Variants in PCMT1 observed in about 807,000 individuals in gnomAD.
PCMT1 encodes the protein protein-L-isoaspartate (D-aspartate) O-methyltransferase.
PCMT1 carries 9 observed loss-of-function variants against 29.2 expected under a neutral mutation model. The ratio of observed to expected loss-of-function variants is 0.31; its 90% CI spans 0.19 to 0.54. The LOEUF (loss-of-function observed/expected upper bound fraction) is 0.54. PCMT1 is among the 20% of genes least tolerant of loss of function. The probability of loss-of-function intolerance (pLI) is 0.95; values close to 1 mark genes in which losing one functional copy is unlikely to be tolerated. For missense variants in PCMT1, 184 were observed against 282.2 expected, an observed-to-expected ratio of 0.65 and a Z score of 2.49; for synonymous variants, 98 against 97.5, an observed-to-expected ratio of 1.00 and a Z score of -0.03.
At chr6:149,762,762 C>A (rs1364605193) in intron 1 of PCMT1, among the ~76,000 whole-genome samples, 1 of 41,166 alleles carries the variant, frequency 2.4e-5, no homozygotes, top group Non-Finnish European at 3.3e-5. Flanking sequence ...ATATATATAC[C>A]TATGATATAT....
intron 3 of PCMT1, among the ~76,000 whole-genome samples, chr6:149,786,884 G>A (rs1268562725): frequency 1.4e-5 from 2 of 147,292 alleles, no homozygotes; most frequent in Non-Finnish European, 3.0e-5. Flanking sequence ...GGTGGCGGCC[G>A]GGCAGAGGCT....
rs1412267953 is a variant in PCMT1, at chr6:149,789,825, T to C, written c.193-129T>C. 1.8e-5 allele frequency: 9 copies of C among 502,234 alleles called. No homozygotes were observed. The Admixed American group carries it at 2.9e-4, about 16-fold the overall frequency. The allele number at this position is 502,234 out of a possible 1,614,324, so 31.1% of individuals were successfully genotyped here. Reference sequence around the variant, plus strand: ...TTTACTTAAGTAATACCTGGGCAGATAGCCAAGATAACTTGGTTATCTTGG... The same window carrying C: ...TTTACTTAAGTAATACCTGGGCAGACAGCCAAGATAACTTGGTTATCTTGG... On this transcript the variant is annotated intron_variant, in intron 3 of 7. Transcript: ENST00000464889.
chr6:149,785,038 C>A (rs1243848162), intron 3 of PCMT1, among the ~76,000 whole-genome samples: 1 of 151,538 alleles, frequency 6.6e-6, no homozygotes, highest in Non-Finnish European at 1.5e-5. Flanking sequence ...TTTAAAGTAT[C>A]TTTTAATTTT....
At chr6:149,750,659 T>C (rs1337806295) in intron 1 of PCMT1, among the ~76,000 whole-genome samples, 10 of 152,300 alleles carry the variant, frequency 6.6e-5, no homozygotes, top group Admixed American at 5.9e-4. Flanking sequence ...GAGGGTTGTG[T>C]GTCTGATGTT....
At chr6:149,775,136 G>T (rs10457850) in intron 3 of PCMT1, among the ~76,000 whole-genome samples, 4 of 152,094 alleles carry the variant, frequency 2.6e-5, no homozygotes, top group African/African-American at 9.6e-5. Context: ...TGAGCCACTG[G>T]GCCTGGCCAG....
intron 1 of PCMT1, among the ~76,000 whole-genome samples, chr6:149,763,523 C>T (rs916394061): frequency 6.6e-6 from 1 of 151,876 alleles, no homozygotes; most frequent in African/African-American, 2.4e-5. Flanking sequence ...TGATGGCATG[C>T]TATTAATAAC....
At chr6:149,773,911 G>A (rs193075301) in intron 3 of PCMT1, among the ~76,000 whole-genome samples, 1 of 152,162 alleles carries the variant, frequency 6.6e-6, no homozygotes, top group Non-Finnish European at 1.5e-5. Context: ...CCATTAAGCT[G>A]CATAGCTCCT....
chr6:149,801,042 C>G (rs879013163), intron 6 of PCMT1, among the ~76,000 whole-genome samples: 1 of 152,304 alleles, frequency 6.6e-6, no homozygotes, highest in Admixed American at 6.5e-5. Context: ...ATAGAGGAGG[C>G]TGATAGTTGA....
chr6:149,773,058 A>C, intron 2 of PCMT1, 80 bp from the exon 3 acceptor site: 3 of 933,302 alleles, frequency 3.2e-6, no homozygotes, highest in Non-Finnish European at 5.1e-6. Context: ...AAAATAACGT[A>C]TGGATGGTAG....
chr6:149,789,887 C>A, intron 3 of PCMT1, 67 bp from the exon 4 acceptor site: 1 of 1,061,474 alleles, frequency 9.4e-7, no homozygotes, highest in Non-Finnish European at 1.3e-6. Flanking sequence ...AGAAAGTTGG[C>A]AACTTTATTT....
chr6:149,770,497 G>A (rs1205441815), intron 1 of PCMT1, among the ~76,000 whole-genome samples: 2 of 152,060 alleles, frequency 1.3e-5, no homozygotes, highest in African/African-American at 2.4e-5. Context: ...ATGAGGTCAG[G>A]AGATGAAGGC....
At chr6:149,773,900 G>A (rs1028338769) in intron 3 of PCMT1, among the ~76,000 whole-genome samples, 1 of 152,168 alleles carries the variant, frequency 6.6e-6, no homozygotes, top group Non-Finnish European at 1.5e-5. Context: ...AAGTATAAGA[G>A]CCATTAAGCT....
At chr6:149,808,968 CTT>C (rs1389626892) in intron 7 of PCMT1, among the ~76,000 whole-genome samples, 1 of 148,154 alleles carries the variant, frequency 6.7e-6, no homozygotes, top group East Asian at 2.1e-4. Context: ...ATAACAATAT[CTT>C]TGGCTTGGGC....
rs551953764 is a variant in PCMT1, at chr6:149,782,926, C to T, written c.193-7028C>T. 4.3e-4 allele frequency among the ~76,000 whole-genome samples: 65 copies of T among 152,010 alleles called. 1 individual carries two copies. The South Asian group carries it at 8.8e-3, about 20-fold the overall frequency. On this transcript the variant is annotated intron_variant, in intron 3 of 7. Coordinates refer to ENST00000464889, the MANE Select transcript of PCMT1 (RefSeq NM_001360452.2). ...AATCTCAGCACTTCAGGAGGCCGAG[C>T]GGGCAGATCCCTTGAGCCCAGGAGT...
chr6:149,777,823 TTC>T (rs1465488273), intron 3 of PCMT1, among the ~76,000 whole-genome samples: 8 of 147,972 alleles, frequency 5.4e-5, no homozygotes, highest in African/African-American at 1.8e-4. Flanking sequence ...TCTCTTTCTT[TTC>T]TTCTTTCTTT....
chr6:149,787,460 G>C (rs1053960642), intron 3 of PCMT1, among the ~76,000 whole-genome samples: 2 of 151,232 alleles, frequency 1.3e-5, no homozygotes, highest in African/African-American at 2.4e-5. Flanking sequence ...TCCACCTCCC[G>C]GGTTCAAGCG....
chr6:149,779,808 ACT>A (rs1019826404), intron 3 of PCMT1, among the ~76,000 whole-genome samples: 26 of 151,050 alleles, frequency 1.7e-4, no homozygotes, highest in African/African-American at 6.3e-4. Context: ...CAAAACTCTG[ACT>A]CAAAAAAAAA....
intron 3 of PCMT1, 68 bp from the exon 4 acceptor site, chr6:149,789,886 G>C: frequency 9.7e-7 from 1 of 1,035,382 alleles, no homozygotes; most frequent in Non-Finnish European, 1.4e-6. Flanking sequence ...TAGAAAGTTG[G>C]CAACTTTATT....
Position 149,802,416 on chromosome 6 carries a change from G to A in PCMT1, c.*37G>A. 2 of 1,561,840 alleles carry A rather than the reference G, an allele frequency of 1.3e-6. No individual in the cohort carries two copies. Among genetic ancestry groups the A allele is most frequent in the Non-Finnish European group, 1.7e-6 (2 of 1,150,592 alleles). On this transcript the variant is annotated splice_region_variant and 3_prime_UTR_variant, in exon 7 of 8. Transcript: ENST00000464889. ...GCTCTTTCTTCTTCCACACATGCAAGGTGAAAGGGTGTGGATTTTAAGACA... is the reference window on the plus strand; with the variant it reads ...GCTCTTTCTTCTTCCACACATGCAAAGTGAAAGGGTGTGGATTTTAAGACA...
Sources: allele counts gnomAD v4.1 joint callset (sites outside exome capture counted in the v4.1 genomes callset), GRCh38; gene constraint gnomAD v4.1.1; transcripts MANE v1.5; gene names NCBI Gene and HGNC (gene_info 2026-07-23, HGNC 2026-07-21).